The following FARP2 variants were observed in gnomAD, a reference collection of about 807,000 sequenced individuals.
FARP2 encodes the protein FERM, ARHGEF and pleckstrin domain-containing protein 2.
Under a neutral mutation model 130.5 loss-of-function variants are expected in FARP2, and 111 were observed. That is an observed-to-expected ratio of 0.85 (90% confidence interval 0.73 to 1.00). The LOEUF is 1.00. Ranked by LOEUF, FARP2 falls within the 50% of genes least tolerant of loss-of-function variation. The pLI is 0.00. For synonymous variants in FARP2, 504 were observed against 516.9 expected, an observed-to-expected ratio of 0.98 and a Z score of 0.34; for missense variants, 1,385 against 1,346.3, an observed-to-expected ratio of 1.03 and a Z score of -0.45.
intron 19 of FARP2, among the ~76,000 whole-genome samples, chr2:241,476,333 G>T (rs554220971): frequency 6.6e-6 from 1 of 151,884 alleles, no homozygotes; most frequent in South Asian, 2.1e-4. Context: ...GCTGGAGTAA[G>T]CCCTGATCAC....
At chr2:241,458,280 C>T (rs903683076) in intron 14 of FARP2, among the ~76,000 whole-genome samples, 1 of 152,004 alleles carries the variant, frequency 6.6e-6, no homozygotes, top group Non-Finnish European at 1.5e-5. Flanking sequence ...CATGGGGCCT[C>T]TAGGAGGGAG....
At chr2:241,395,706 T>C (rs1004957124) in intron 2 of FARP2, 3 of 152,240 alleles carry the variant, frequency 2.0e-5, no homozygotes, top group African/African-American at 4.8e-5. Context: ...CTTCCAGTTA[T>C]GAAGTGATTT....
rs185192887 is a variant in FARP2, at chr2:241,471,642, C to T, written c.2131+3265C>T. Among the ~76,000 whole-genome samples the T allele has an allele frequency of 0.012, 1,856 of 151,670 alleles. 120 individuals are homozygous for T. The East Asian group carries it at 0.16, about 13-fold the overall frequency. On this transcript the variant is annotated intron_variant, in intron 18 of 26. Transcript: ENST00000264042. Reference sequence around the variant, plus strand: ...CCGAGTAGCTGGGACGACAGGCGCCCGACACCACGCCTGTCTAATTTTTTT... The same window carrying T: ...CCGAGTAGCTGGGACGACAGGCGCCTGACACCACGCCTGTCTAATTTTTTT...
chr2:241,454,254 A>G (rs954305504), intron 13 of FARP2, among the ~76,000 whole-genome samples: 2 of 152,120 alleles, frequency 1.3e-5, no homozygotes, highest in African/African-American at 4.8e-5. Context: ...ACTTTTTGGT[A>G]AACTGTCAAC....
At position 241,409,030 on chromosome 2, in the gene FARP2, TA is replaced by T. The variant is rs1439764264; in HGVS notation, c.410+1416del. On this transcript the variant is annotated intron_variant, in intron 5 of 26. Transcript: ENST00000264042. ...TCACTTTTAAATAGAGATAGATAGA[TA>T]GATAGATGATAGATAGATAGATAGA... Among the ~76,000 whole-genome samples, 9 of 126,172 alleles carry T rather than the reference TA, an allele frequency of 7.1e-5. No individual in the cohort carries two copies. In the East Asian group the frequency reaches 2.1e-3, roughly 29 times the overall value. 82.8% of individuals were successfully genotyped at this position (126,172 alleles called of 152,430 possible). A position where few individuals can be genotyped will look rare whatever the true frequency, so the allele number is the denominator to read the frequency against.
intron 2 of FARP2, among the ~76,000 whole-genome samples, chr2:241,374,301 G>A (rs948027508): frequency 2.6e-5 from 4 of 152,100 alleles, no homozygotes; most frequent in African/African-American, 7.2e-5. Context: ...GTAAGCCACC[G>A]TGCCCAGCCA....
chr2:241,433,709 GACTTTGTATACA>G (rs1301907940), intron 9 of FARP2, among the ~76,000 whole-genome samples: 1 of 152,162 alleles, frequency 6.6e-6, no homozygotes, highest in African/African-American at 2.4e-5. Flanking sequence ...GGAACCAGAA[GACTTTGTATACA>G]ACTTTTAGAA....
intron 13 of FARP2, chr2:241,446,761 C>A (rs532112270): frequency 6.6e-6 from 1 of 152,200 alleles, no homozygotes; most frequent in Non-Finnish European, 1.5e-5. Context: ...TCCACAGAAT[C>A]GTATCTGCTG....
chr2:241,451,141 A>AT (rs1356049583), intron 13 of FARP2, among the ~76,000 whole-genome samples: 2 of 151,950 alleles, frequency 1.3e-5, no homozygotes, highest in South Asian at 4.2e-4. Context: ...AATTTTATTA[A>AT]TTTTTTTGTT....
chr2:241,426,034 A>T lies in FARP2; in HGVS notation c.772-5645A>T, dbSNP rs966255549. ...CCTTTTTTCACACATGTAGATTTTT[A>T]AAAAATTTAACTACTACTCTCCCTT... On this transcript the variant is annotated intron_variant, in intron 8 of 26. Coordinates refer to ENST00000264042, the MANE Select transcript of FARP2 (RefSeq NM_014808.4). 1.2e-4 allele frequency among the ~76,000 whole-genome samples: 18 copies of T among 152,034 alleles called. 1 individual carries two copies. The highest frequency in any genetic ancestry group is 6.2e-4 in the South Asian group (3 of 4,828).
intron 17 of FARP2, chr2:241,465,559 A>T (rs1384232360): frequency 1.3e-6 from 2 of 1,550,470 alleles, no homozygotes; most frequent in African/African-American, 2.7e-5. Flanking sequence ...ATTTCTCTTC[A>T]ATAGGAGCAA....
At chr2:241,423,986 T>G (rs908767129) in intron 8 of FARP2, among the ~76,000 whole-genome samples, 6 of 152,270 alleles carry the variant, frequency 3.9e-5, no homozygotes, top group Admixed American at 3.9e-4. Flanking sequence ...AAAAACGACT[T>G]AGACTCCCAC....
At chr2:241,387,408 T>C (rs2061810111) in intron 2 of FARP2, 2 of 152,164 alleles carry the variant, frequency 1.3e-5, no homozygotes, top group Non-Finnish European at 2.9e-5. Context: ...AATAAACGAT[T>C]TCAGGAAGGT....
chr2:241,371,809 A>G (rs1399093905), intron 1 of FARP2, among the ~76,000 whole-genome samples: 1 of 152,154 alleles, frequency 6.6e-6, no homozygotes, highest in Non-Finnish European at 1.5e-5. Flanking sequence ...TAAACATAAG[A>G]CATTTCACAA....
At chr2:241,438,914 C>A (rs1214092089) in intron 12 of FARP2, among the ~76,000 whole-genome samples, 2 of 152,164 alleles carry the variant, frequency 1.3e-5, no homozygotes, top group Non-Finnish European at 2.9e-5. Context: ...CAGGCGTGAG[C>A]CACCGCGCCC....
chr2:241,462,722 C>CTCTG, intron 15 of FARP2, 110 bp downstream of exon 15: 1 of 720,452 alleles, frequency 1.4e-6, no homozygotes, highest in South Asian at 1.7e-5. Flanking sequence ...TGGAGCCTCA[C>CTCTG]TCTGTCACCC....
intron 12 of FARP2, among the ~76,000 whole-genome samples, chr2:241,440,802 C>T (rs950216129): frequency 2.6e-5 from 4 of 152,114 alleles, no homozygotes; most frequent in African/African-American, 9.7e-5. Context: ...TATGAATCTC[C>T]TGGTAACGGG....
chr2:241,436,003 C>G (rs1407016802), intron 11 of FARP2, among the ~76,000 whole-genome samples: 1 of 143,148 alleles, frequency 7.0e-6, no homozygotes, highest in East Asian at 2.1e-4. Context: ...AGCTCCACCT[C>G]CTGGGTTCAC....
chr2:241,493,647 T>G (rs1435138412), intron 26 of FARP2: 8 of 585,446 alleles, frequency 1.4e-5, no homozygotes, highest in South Asian at 6.1e-5. Flanking sequence ...CAGGCTGGAG[T>G]GCAGTGATAC....
Sources: allele counts gnomAD v4.1 joint callset (sites outside exome capture counted in the v4.1 genomes callset), GRCh38; gene constraint gnomAD v4.1.1; transcripts MANE v1.5; gene names NCBI Gene and HGNC (gene_info 2026-07-23, HGNC 2026-07-21).